MYO16: variants seen among roughly 807,000 people sequenced by gnomAD.
MYO16 encodes unconventional myosin-XVI.
A neutral mutation model predicts 205.3 loss-of-function variants in MYO16; 94 were observed. The ratio of observed to expected loss-of-function variants is 0.46; its 90% CI spans 0.39 to 0.54. The LOEUF (loss-of-function observed/expected upper bound fraction) is 0.54. Ranked by LOEUF, MYO16 falls within the 20% of genes least tolerant of loss-of-function variation. The pLI is 0.00. For missense variants in MYO16, 2,315 were observed against 2,387.5 expected (o/e 0.97, Z 0.63); for synonymous variants, 988 against 954.0 (o/e 1.04, Z -0.66).
At chr13:108,745,380 C>T (rs1210049233) in intron 4 of MYO16, among the ~76,000 whole-genome samples, 8 of 152,214 alleles carry the variant, frequency 5.3e-5, no homozygotes, top group African/African-American at 1.9e-4. Context: ...AAGGAACTCA[C>T]CAGGTTCCCA....
intron 27 of MYO16, among the ~76,000 whole-genome samples, chr13:109,061,021 C>T (rs764182353): frequency 5.9e-5 from 9 of 152,180 alleles, no homozygotes; most frequent in Non-Finnish European, 1.2e-4. Context: ...TGTTTCTCCT[C>T]ACCCCTTCAT....
chr13:108,599,981 A>G (rs1878706529), intron 1 of MYO16, among the ~76,000 whole-genome samples: 1 of 152,200 alleles, frequency 6.6e-6, no homozygotes, highest in African/African-American at 2.4e-5. Context: ...TAATTTGGCC[A>G]TCTATTTGCA....
At chr13:108,550,287 T>C in the MYO16 span, among the ~76,000 whole-genome samples, 1 of 152,272 alleles carries the variant, frequency 6.6e-6, no homozygotes, top group Non-Finnish European at 1.5e-5. Flanking sequence ...TTTGCAATTG[T>C]CTGGTAGTCC....
intron 28 of MYO16, among the ~76,000 whole-genome samples, chr13:109,103,161 TAAAAC>T (rs980455462): frequency 6.6e-6 from 1 of 152,090 alleles, no homozygotes; most frequent in Non-Finnish European, 1.5e-5. Flanking sequence ...AATAAATAAA[TAAAAC>T]AAAAAACACT....
At chr13:108,943,053 G>T (rs1882792875) in intron 16 of MYO16, among the ~76,000 whole-genome samples, 1 of 152,182 alleles carries the variant, frequency 6.6e-6, no homozygotes, top group Admixed American at 6.5e-5. Flanking sequence ...GATATCAATT[G>T]GTGAATGAGA....
intron 23 of MYO16, among the ~76,000 whole-genome samples, chr13:109,022,098 A>T (rs2139519136): frequency 6.9e-6 from 1 of 145,666 alleles, no homozygotes; most frequent in East Asian, 2.0e-4. Context: ...TAATATATAC[A>T]TATAAAACAT....
At chr13:109,123,585 G>A (rs768678719) in intron 29 of MYO16, among the ~76,000 whole-genome samples, 5 of 152,210 alleles carry the variant, frequency 3.3e-5, no homozygotes, top group South Asian at 2.1e-4. Context: ...GTCTGACTGT[G>A]CCTCATACTG....
the MYO16 span, among the ~76,000 whole-genome samples, chr13:108,496,977 C>T: frequency 0.031 from 4,690 of 152,306 alleles, 211 homozygotes; most frequent in African/African-American, 0.11. Flanking sequence ...CTGCGAATCT[C>T]ATGCGGTCTC....
chr13:109,033,041 A>G (rs1886594134), intron 23 of MYO16, among the ~76,000 whole-genome samples: 1 of 152,166 alleles, frequency 6.6e-6, no homozygotes. Context: ...AGGCGTATTT[A>G]TAAGAGAACT....
chr13:108,919,716 GTTATGAGTAA>G (rs1437961466), intron 16 of MYO16, among the ~76,000 whole-genome samples: 7 of 152,204 alleles, frequency 4.6e-5, no homozygotes, highest in Admixed American at 3.3e-4. Context: ...TCTCAGGGTT[GTTATGAGTAA>G]ATAAAATTAT....
intron 28 of MYO16, among the ~76,000 whole-genome samples, chr13:109,105,022 G>C (rs1040619955): frequency 2.6e-5 from 4 of 152,142 alleles, no homozygotes; most frequent in African/African-American, 9.7e-5. Context: ...CGAGGGCTTT[G>C]TGTCTGCAGC....
chr13:108,641,273 T>TA (rs1880492011), intron 1 of MYO16, among the ~76,000 whole-genome samples: 1 of 152,172 alleles, frequency 6.6e-6, no homozygotes, highest in African/African-American at 2.4e-5. Flanking sequence ...CTTTTGCTAA[T>TA]AGAAAGGGGT....
chr13:108,941,000 T>C (rs1374816602), intron 16 of MYO16, among the ~76,000 whole-genome samples: 1 of 152,220 alleles, frequency 6.6e-6, no homozygotes, highest in African/African-American at 2.4e-5. Flanking sequence ...AATATGTTAA[T>C]TTTTAATTAA....
chr13:108,534,727 C>T, the MYO16 span, among the ~76,000 whole-genome samples: 2 of 152,118 alleles, frequency 1.3e-5, no homozygotes, highest in East Asian at 1.9e-4. Flanking sequence ...CTGACAGTTC[C>T]TTACTACTGC....
chr13:108,782,567 C>T (rs1256856069), intron 4 of MYO16, among the ~76,000 whole-genome samples: 1 of 152,162 alleles, frequency 6.6e-6, no homozygotes, highest in African/African-American at 2.4e-5. Context: ...TGGCAAGGAG[C>T]CTAATGTTAA....
intron 3 of MYO16, among the ~76,000 whole-genome samples, chr13:108,727,059 G>A (rs550868759): frequency 7.9e-5 from 12 of 151,298 alleles, no homozygotes; most frequent in Non-Finnish European, 1.6e-4. Flanking sequence ...GACAAAGGAT[G>A]CATGTTTTAG....
intron 16 of MYO16, among the ~76,000 whole-genome samples, chr13:108,943,484 G>T (rs1447459905): frequency 2.0e-5 from 3 of 151,708 alleles, no homozygotes; most frequent in African/African-American, 7.3e-5. Context: ...TTGAGACGGA[G>T]TCTCACTTTG....
chr13:108,559,561 C>A, the MYO16 span, among the ~76,000 whole-genome samples: 1 of 149,244 alleles, frequency 6.7e-6, no homozygotes, highest in Non-Finnish European at 1.5e-5. Context: ...GCAAGCTCCA[C>A]CTTCTGGGTT....
At chr13:108,975,310 A>G (rs1337951568) in intron 20 of MYO16, among the ~76,000 whole-genome samples, 1 of 151,990 alleles carries the variant, frequency 6.6e-6, no homozygotes, top group Non-Finnish European at 1.5e-5. Flanking sequence ...TTGGGGCTCT[A>G]TGTGTAAATG....
Sources: allele counts gnomAD v4.1 joint callset (sites outside exome capture counted in the v4.1 genomes callset), GRCh38; gene constraint gnomAD v4.1.1; transcripts MANE v1.5; gene names NCBI Gene and HGNC (gene_info 2026-07-23, HGNC 2026-07-21).